Variants in RBFOX1 observed in about 807,000 individuals in gnomAD.
RBFOX1 encodes RNA binding protein fox-1 homolog 1.
A neutral mutation model predicts 57.7 loss-of-function variants in RBFOX1; 8 were observed. The observed-to-expected ratio is 0.14, with a 90% CI of 0.08 to 0.25. The LOEUF (loss-of-function observed/expected upper bound fraction) is 0.25. Ranked by LOEUF, RBFOX1 falls within the 10% of genes least tolerant of loss-of-function variation. The pLI, the probability that RBFOX1 is intolerant of heterozygous loss-of-function variation, is 1.00. For missense variants in RBFOX1, 611 were observed against 548.5 expected, an observed-to-expected ratio of 1.11 and a Z score of -1.14; for synonymous variants, 326 against 222.4, an observed-to-expected ratio of 1.47 and a Z score of -4.15.
chr16:6,345,624 A>G (rs1385967530), intron 2 of RBFOX1, among the ~76,000 whole-genome samples: 1 of 152,220 alleles, frequency 6.6e-6, no homozygotes, highest in Non-Finnish European at 1.5e-5. Context: ...CATGGCAGAC[A>G]TAATCCTAGG....
chr16:7,014,839 A>G (rs1016433004), intron 3 of RBFOX1, among the ~76,000 whole-genome samples: 1 of 152,032 alleles, frequency 6.6e-6, no homozygotes, highest in Admixed American at 6.6e-5. Context: ...CTTCTCCTGC[A>G]TTAGCCTCCT....
At chr16:6,343,800 GT>G (rs2084923662) in intron 2 of RBFOX1, among the ~76,000 whole-genome samples, 3 of 152,268 alleles carry the variant, frequency 2.0e-5, no homozygotes, top group Admixed American at 6.5e-5. Context: ...TTAATTCTGT[GT>G]TTTCCATGCA....
intron 10 of RBFOX1, chr16:7,614,637 C>T (rs1399257273): frequency 6.6e-6 from 1 of 152,174 alleles, no homozygotes; most frequent in Non-Finnish European, 1.5e-5. Flanking sequence ...CACATCCAGG[C>T]TATGGGAAGC....
At chr16:6,907,616 G>A (rs1407993808) in intron 3 of RBFOX1, among the ~76,000 whole-genome samples, 1 of 152,134 alleles carries the variant, frequency 6.6e-6, no homozygotes, top group Non-Finnish European at 1.5e-5. Context: ...GGTTGCCCAG[G>A]CTGGATTGCA....
chr16:6,833,104 G>T (rs2092827402), intron 3 of RBFOX1, among the ~76,000 whole-genome samples: 1 of 148,002 alleles, frequency 6.8e-6, no homozygotes, highest in South Asian at 2.2e-4. Flanking sequence ...TTTCTGGAAG[G>T]CTTTTTCTGT....
intron 3 of RBFOX1, among the ~76,000 whole-genome samples, chr16:5,706,052 A>C (rs1315446758): frequency 1.3e-5 from 2 of 152,168 alleles, no homozygotes; most frequent in Non-Finnish European, 2.9e-5. Context: ...CTGGGATTAT[A>C]GGTGCGTGCC....
At chr16:6,659,628 C>G (rs2098688652) in intron 3 of RBFOX1, among the ~76,000 whole-genome samples, 1 of 152,172 alleles carries the variant, frequency 6.6e-6, no homozygotes, top group South Asian at 2.1e-4. Flanking sequence ...GAGATTCTTA[C>G]TCCAGAGTCT....
intron 3 of RBFOX1, among the ~76,000 whole-genome samples, chr16:6,751,666 G>C (rs933267627): frequency 3.3e-5 from 5 of 152,136 alleles, no homozygotes; most frequent in Non-Finnish European, 7.4e-5. Context: ...TTTATTTCTT[G>C]AGTCCGTTGG....
At chr16:7,653,282 C>T (rs893850927) in intron 11 of RBFOX1, among the ~76,000 whole-genome samples, 1 of 152,096 alleles carries the variant, frequency 6.6e-6, no homozygotes, top group Non-Finnish European at 1.5e-5. Context: ...AGGAGGACTG[C>T]TTGAACCCAG....
At chr16:6,088,285 C>T (rs1324363512) in intron 1 of RBFOX1, among the ~76,000 whole-genome samples, 1 of 151,808 alleles carries the variant, frequency 6.6e-6, no homozygotes, top group Non-Finnish European at 1.5e-5. Context: ...CAATATGGAA[C>T]ATGTTGTCAA....
At chr16:7,255,497 C>T (rs889019258) in intron 4 of RBFOX1, among the ~76,000 whole-genome samples, 1 of 152,078 alleles carries the variant, frequency 6.6e-6, no homozygotes, top group African/African-American at 2.4e-5. Context: ...TATGTATTGC[C>T]ATGGCAAGAT....
chr16:5,473,118 G>T (rs535617816), intron 2 of RBFOX1, among the ~76,000 whole-genome samples: 19 of 152,252 alleles, frequency 1.2e-4, no homozygotes, highest in African/African-American at 4.6e-4. Context: ...CCTTTCCATT[G>T]CCCTGTTCTG....
intron 4 of RBFOX1, among the ~76,000 whole-genome samples, chr16:5,911,450 C>T (rs2058600833): frequency 6.6e-6 from 1 of 152,190 alleles, no homozygotes; most frequent in East Asian, 1.9e-4. Context: ...GCATTTCACG[C>T]TTCATCCCCA....
At chr16:6,733,310 T>G (rs1407831566) in intron 3 of RBFOX1, among the ~76,000 whole-genome samples, 2 of 152,102 alleles carry the variant, frequency 1.3e-5, no homozygotes, top group African/African-American at 2.4e-5. Context: ...AACAGAAATA[T>G]GACTTGGGCA....
chr16:7,483,057 A>AG (rs1253861813), intron 4 of RBFOX1, among the ~76,000 whole-genome samples: 1 of 152,180 alleles, frequency 6.6e-6, no homozygotes, highest in African/African-American at 2.4e-5. Context: ...AGGAGAGGGA[A>AG]GCCACCCTCG....
intron 2 of RBFOX1, among the ~76,000 whole-genome samples, chr16:6,486,294 C>G (rs568129386): frequency 6.6e-6 from 1 of 151,846 alleles, no homozygotes; most frequent in Non-Finnish European, 1.5e-5. Flanking sequence ...ACAAATATTA[C>G]AACATCTAGT....
chr16:5,970,547 C>T (rs1048682896), intron 4 of RBFOX1, among the ~76,000 whole-genome samples: 1 of 152,060 alleles, frequency 6.6e-6, no homozygotes, highest in Non-Finnish European at 1.5e-5. Flanking sequence ...ATGAGTTGCT[C>T]AAGTAGAAAT....
At chr16:6,909,111 G>C (rs1039229925) in intron 3 of RBFOX1, among the ~76,000 whole-genome samples, 1 of 152,164 alleles carries the variant, frequency 6.6e-6, no homozygotes, top group Non-Finnish European at 1.5e-5. Context: ...CTGGAGGTCA[G>C]AAGTCCAAAA....
intron 4 of RBFOX1, among the ~76,000 whole-genome samples, chr16:5,981,631 G>T (rs2060175064): frequency 6.6e-6 from 1 of 151,970 alleles, no homozygotes; most frequent in Admixed American, 6.6e-5. Flanking sequence ...ATCAGGCTGG[G>T]CCAATTTTTA....
Sources: gnomAD v4.1 joint callset for allele counts (sites outside exome capture counted in the v4.1 genomes callset) on GRCh38, gnomAD v4.1.1 for gene constraint, MANE v1.5 for transcripts, NCBI Gene and HGNC (gene_info 2026-07-23, HGNC 2026-07-21) for gene names.